CEP112: variants seen among roughly 807,000 people sequenced by gnomAD.
CEP112 encodes centrosomal protein of 112 kDa.
In CEP112, 127 loss-of-function variants were observed where a neutral mutation model predicts 153.0. The observed-to-expected ratio is 0.83, with a 90% CI of 0.72 to 0.96. The LOEUF (loss-of-function observed/expected upper bound fraction) is 0.96, where lower values mean the gene tolerates loss of function less well. CEP112 is among the 40% of genes least tolerant of loss of function. CEP112 has a pLI of 0.00. For missense variants in CEP112, 1,089 were observed against 1,101.2 expected (o/e 0.99, Z 0.16); for synonymous variants, 358 against 374.4 (o/e 0.96, Z 0.51).
At chr17:65,827,951 G>C (rs560563195) in intron 21 of CEP112, among the ~76,000 whole-genome samples, 1 of 152,146 alleles carries the variant, frequency 6.6e-6, no homozygotes, top group Non-Finnish European at 1.5e-5. Context: ...CCTGGTACTC[G>C]AGAGTCTCCC....
chr17:66,031,467 TGTTTTG>T (rs754829166), intron 12 of CEP112, among the ~76,000 whole-genome samples: 3 of 134,204 alleles, frequency 2.2e-5, no homozygotes, highest in Middle Eastern at 3.7e-3. Flanking sequence ...AACCCAGTTT[TGTTTTG>T]TTTTTTTTTT....
intron 4 of CEP112, among the ~76,000 whole-genome samples, chr17:66,162,132 AAGAC>A (rs1172576256): frequency 6.6e-6 from 1 of 152,198 alleles, no homozygotes; most frequent in Admixed American, 6.5e-5. Flanking sequence ...CGACAGTGAA[AAGAC>A]AGACAAACCA....
chr17:65,902,008 G>GAAAAAA, intron 20 of CEP112, 144 bp downstream of exon 20: 1 of 172,874 alleles, frequency 5.8e-6, no homozygotes, highest in Non-Finnish European at 1.0e-5. Flanking sequence ...GTGGGGGGGA[G>GAAAAAA]AAAAACAAAA....
intron 21 of CEP112, among the ~76,000 whole-genome samples, chr17:65,784,244 C>T (rs1388374325): frequency 6.6e-6 from 1 of 152,204 alleles, no homozygotes; most frequent in Non-Finnish European, 1.5e-5. Context: ...TGCATTTTTG[C>T]ATGGTCTAAA....
chr17:65,739,630 G>T (rs1273849544), intron 23 of CEP112, among the ~76,000 whole-genome samples: 1 of 152,036 alleles, frequency 6.6e-6, no homozygotes, highest in East Asian at 1.9e-4. Context: ...CAGCTGCTTG[G>T]GAGGCTGAGG....
chr17:65,901,983 C>CGGGGG (rs1193965831), intron 20 of CEP112, among the ~76,000 whole-genome samples, 169 bp downstream of exon 20: 65 of 4,910 alleles, frequency 0.013, 7 homozygotes, highest in Non-Finnish European at 0.018. Context: ...CATCCCAAAA[C>CGGGGG]GGGGGGGGGG....
At chr17:65,886,220 G>A (rs1040027931) in intron 20 of CEP112, among the ~76,000 whole-genome samples, 1 of 152,106 alleles carries the variant, frequency 6.6e-6, no homozygotes, top group Non-Finnish European at 1.5e-5. Context: ...AAAAAAATGG[G>A]CATAAAAGAA....
chr17:66,178,306 G>A (rs1248370650), intron 2 of CEP112, among the ~76,000 whole-genome samples: 1 of 152,136 alleles, frequency 6.6e-6, no homozygotes, highest in African/African-American at 2.4e-5. Context: ...GCGTTGCTCT[G>A]ATGATCAGTG....
chr17:66,081,832 T>C (rs987550073), intron 8 of CEP112, among the ~76,000 whole-genome samples: 1 of 152,100 alleles, frequency 6.6e-6, no homozygotes, highest in South Asian at 2.1e-4. Flanking sequence ...GGAGAATCGC[T>C]TGAACCCAGG....
At chr17:65,907,648 T>A (rs1172831583) in intron 19 of CEP112, among the ~76,000 whole-genome samples, 1 of 152,198 alleles carries the variant, frequency 6.6e-6, no homozygotes, top group Non-Finnish European at 1.5e-5. Context: ...CTTCTCCAGA[T>A]AAATGGTAGG....
intron 23 of CEP112, among the ~76,000 whole-genome samples, chr17:65,699,438 G>C (rs1006436128): frequency 6.6e-6 from 1 of 152,120 alleles, no homozygotes; most frequent in Non-Finnish European, 1.5e-5. Context: ...GCTCCCTCGA[G>C]TGTCAGAAGT....
At chr17:66,099,436 G>A (rs1016767672) in intron 6 of CEP112, among the ~76,000 whole-genome samples, 1 of 150,608 alleles carries the variant, frequency 6.6e-6, no homozygotes, top group African/African-American at 2.4e-5. Flanking sequence ...CCCAAGAGGT[G>A]GAGGTTGCAG....
intron 24 of CEP112, among the ~76,000 whole-genome samples, chr17:65,683,965 C>T (rs969505078): frequency 1.3e-5 from 2 of 152,068 alleles, no homozygotes; most frequent in African/African-American, 2.4e-5. Context: ...CACTTGAACC[C>T]GGGAAGCAGA....
rs1051378978 is a variant in CEP112 at position 65,906,772 on chromosome 17, A to G, written c.1981-4438T>C. On this transcript the variant is annotated intron_variant, in intron 19 of 26. Coordinates refer to ENST00000535342, the MANE Select transcript of CEP112 (RefSeq NM_001199165.4). ...TCACAGAACTATGTTAATCCCAACA[A>G]AAGAGAGATTTCATATTGTATTGCT... 4.6e-5 allele frequency among the ~76,000 whole-genome samples: 7 copies of G among 152,188 alleles called. No homozygotes were observed. In the East Asian group the frequency reaches 1.2e-3, roughly 25 times the overall value.
chr17:65,780,036 A>G (rs1011256702), intron 21 of CEP112, among the ~76,000 whole-genome samples: 1 of 152,082 alleles, frequency 6.6e-6, no homozygotes, highest in African/African-American at 2.4e-5. Context: ...GAATATGTCT[A>G]TTGGTACTGG....
chr17:66,140,524 T>A (rs1487904167), intron 4 of CEP112, among the ~76,000 whole-genome samples: 1 of 152,070 alleles, frequency 6.6e-6, no homozygotes, highest in Admixed American at 6.6e-5. Flanking sequence ...CCCTAAAGAC[T>A]GCATTAAATA....
At chr17:65,734,784 G>C (rs897652982) in intron 23 of CEP112, among the ~76,000 whole-genome samples, 2 of 152,166 alleles carry the variant, frequency 1.3e-5, no homozygotes, top group Admixed American at 1.3e-4. Flanking sequence ...AGCCTTTTTA[G>C]ATGACTGTGG....
At position 65,660,258 on chromosome 17, in the gene CEP112, TTTC is replaced by T. The variant is rs1270522184; in HGVS notation, c.2698-19196_2698-19194del. Among the ~76,000 whole-genome samples, 120 of 143,206 alleles carry T rather than the reference TTTC, an allele frequency of 8.4e-4. 2 individuals carry two copies. The highest frequency in any genetic ancestry group is 1.4e-3 in the Non-Finnish European group (92 of 65,882). 93.9% of individuals were successfully genotyped at this position (143,206 alleles called of 152,430 possible). On this transcript the variant is annotated intron_variant, in intron 24 of 26. Coordinates refer to ENST00000535342, the MANE Select transcript of CEP112 (RefSeq NM_001199165.4). ...TTCCTCTTTTTTGTTTTCTTTCTTT[TTTC>T]TTTTCTTTTTCTCCTTCCTTCCTTC...
chr17:65,843,584 G>A (rs1471651403), intron 21 of CEP112, among the ~76,000 whole-genome samples: 1 of 152,094 alleles, frequency 6.6e-6, no homozygotes, highest in East Asian at 1.9e-4. Flanking sequence ...TAGTTTCTAT[G>A]ACCTTAACTT....
Sources: allele counts gnomAD v4.1 joint callset (sites outside exome capture counted in the v4.1 genomes callset), GRCh38; gene constraint gnomAD v4.1.1; transcripts MANE v1.5; gene names NCBI Gene and HGNC (gene_info 2026-07-23, HGNC 2026-07-21).